The following POLA1 variants were observed in gnomAD, a reference collection of about 807,000 sequenced individuals.
The protein encoded by POLA1 is DNA polymerase alpha catalytic subunit.
POLA1 carries 15 observed loss-of-function variants against 124.0 expected under a neutral mutation model. That is an observed-to-expected ratio of 0.12 (90% confidence interval 0.08 to 0.19). The LOEUF is 0.19. Ranked by LOEUF, POLA1 falls within the 10% of genes least tolerant of loss-of-function variation. POLA1 has a pLI of 1.00. For missense variants in POLA1, 886 were observed against 1,103.4 expected, an observed-to-expected ratio of 0.80 and a Z score of 2.79; for synonymous variants, 408 against 389.4, an observed-to-expected ratio of 1.05 and a Z score of -0.56.
intron 26 of POLA1, among the ~76,000 whole-genome samples, chrX:24,784,807 G>A (rs2045333393): frequency 8.9e-6 from 1 of 112,328 alleles, no homozygotes; most frequent in African/African-American, 3.2e-5. Context: ...TAATAAAAAC[G>A]TCCCAGCTTC....
chrX:24,862,969 A>G (rs1354058178), intron 34 of POLA1, among the ~76,000 whole-genome samples: 1 of 112,079 alleles, frequency 8.9e-6, no homozygotes, highest in Non-Finnish European at 1.9e-5. Flanking sequence ...CCTTTGGGAA[A>G]ACATTCACAT....
At chrX:24,837,055 G>A (rs762157092) in intron 32 of POLA1, among the ~76,000 whole-genome samples, 1 of 111,727 alleles carries the variant, frequency 9.0e-6, no homozygotes, top group Non-Finnish European at 1.9e-5. Flanking sequence ...TTCAAATTTT[G>A]GAGGATTTCA....
At chrX:24,813,765 G>A (rs2045942170) in intron 29 of POLA1, among the ~76,000 whole-genome samples, 1 of 98,109 alleles carries the variant, frequency 1.0e-5, no homozygotes, top group African/African-American at 3.9e-5. Context: ...AGTGAGCCGA[G>A]ATTGCACCAT....
chrX:24,838,334 T>C (rs1370454919), intron 32 of POLA1, among the ~76,000 whole-genome samples: 1 of 111,450 alleles, frequency 9.0e-6, no homozygotes, highest in Non-Finnish European at 1.9e-5. Flanking sequence ...CACAAATGAG[T>C]CCATCACTAC....
At chrX:24,822,347 A>G (rs1194514563) in intron 31 of POLA1, among the ~76,000 whole-genome samples, 2 of 112,626 alleles carry the variant, frequency 1.8e-5, no homozygotes. Flanking sequence ...ACTTACCATA[A>G]GGTATAATTT....
chrX:24,872,369 C>T (rs763836775), intron 34 of POLA1, among the ~76,000 whole-genome samples: 2 of 110,941 alleles, frequency 1.8e-5, no homozygotes, highest in South Asian at 7.7e-4. Context: ...GAGGAAATAC[C>T]TAGGAATAAA....
chrX:24,985,894 A>G (rs1250079424), intron 36 of POLA1, among the ~76,000 whole-genome samples: 2 of 111,922 alleles, frequency 1.8e-5, no homozygotes, highest in East Asian at 5.6e-4. Context: ...CCTTCCAGCC[A>G]GGCGTGGTGG....
At chrX:24,723,020 G>T (rs1411700831) in intron 10 of POLA1, 135 bp from the exon 11 acceptor site, 6 of 485,910 alleles carry the variant, frequency 1.2e-5, no homozygotes, top group Non-Finnish European at 2.2e-5. Flanking sequence ...AGTGGGAAAT[G>T]GATATATTTG....
intron 2 of POLA1, among the ~76,000 whole-genome samples, chrX:24,700,794 C>A (rs1928363677): frequency 8.9e-6 from 1 of 111,980 alleles, no homozygotes; most frequent in Non-Finnish European, 1.9e-5. Context: ...CAGGCGTGAA[C>A]CACCACACTG....
At position 24,788,336 on chromosome X, in the gene POLA1, T is replaced by C. The variant is rs2045408880; in HGVS notation, c.2965-21562T>C. 16 of 1,086,305 alleles carry C rather than the reference T, an allele frequency of 1.5e-5. No homozygotes were observed. The South Asian group carries it at 2.0e-4, about 14-fold the overall frequency. The allele number at this position is 1,086,305 out of a possible 1,213,427, so 89.5% of individuals were successfully genotyped here. ...AGGATGCCCACTTTTACTACTTCTT[T>C]TTTTTTTTTTTAATCTTTCAAGCTT... On this transcript the variant is annotated intron_variant, in intron 26 of 36. Coordinates refer to ENST00000379068, the MANE Select transcript of POLA1 (RefSeq NM_001330360.2).
At chrX:24,717,887 C>A in intron 10 of POLA1, 129 bp downstream of exon 10, 1 of 447,135 alleles carries the variant, frequency 2.2e-6, no homozygotes, top group East Asian at 4.0e-5. Context: ...TTTTTTTTTT[C>A]TTTATCCTTA....
At chrX:24,946,696 C>G (rs773514100) in intron 36 of POLA1, among the ~76,000 whole-genome samples, 7 of 111,962 alleles carry the variant, frequency 6.3e-5, no homozygotes, top group Admixed American at 2.8e-4. Context: ...TTCTTAAGCA[C>G]TGTCCCTCTT....
intron 34 of POLA1, among the ~76,000 whole-genome samples, chrX:24,848,677 C>A (rs1426271164): frequency 1.8e-5 from 2 of 111,839 alleles, no homozygotes; most frequent in Non-Finnish European, 3.8e-5. Flanking sequence ...ACAAAAATAC[C>A]CATTTAGCAT....
At chrX:24,847,964 C>T (rs866059738) in intron 34 of POLA1, among the ~76,000 whole-genome samples, 6 of 111,821 alleles carry the variant, frequency 5.4e-5, no homozygotes, top group African/African-American at 1.6e-4. Flanking sequence ...CTATTTTTTA[C>T]GGCACTGACA....
At chrX:24,971,433 C>A (rs1482562157) in intron 36 of POLA1, among the ~76,000 whole-genome samples, 1 of 112,609 alleles carries the variant, frequency 8.9e-6, no homozygotes, top group South Asian at 3.7e-4. Flanking sequence ...GTTGTACTAC[C>A]CCTACCAGGG....
chrX:24,856,163 A>G (rs1780890592), intron 34 of POLA1, among the ~76,000 whole-genome samples: 1 of 111,606 alleles, frequency 9.0e-6, no homozygotes, highest in Non-Finnish European at 1.9e-5. Flanking sequence ...AACTCCCAAA[A>G]TAGTCCTATA....
chrX:24,994,795 CACCTT>C (rs1214993260), intron 36 of POLA1, among the ~76,000 whole-genome samples: 3 of 111,439 alleles, frequency 2.7e-5, no homozygotes, highest in African/African-American at 9.8e-5. Flanking sequence ...CCTCTCCAGA[CACCTT>C]ACCAGGTTCC....
chrX:24,938,134 C>T (rs1268943950), intron 36 of POLA1, among the ~76,000 whole-genome samples: 2 of 112,508 alleles, frequency 1.8e-5, no homozygotes, highest in Non-Finnish European at 3.8e-5. Context: ...AGAACTAAGG[C>T]CGGGCACAGT....
intron 4 of POLA1, among the ~76,000 whole-genome samples, chrX:24,710,279 A>T (rs976166649): frequency 9.0e-6 from 1 of 111,484 alleles, no homozygotes; most frequent in African/African-American, 3.3e-5. Flanking sequence ...TCACTCCCCA[A>T]TCTCTCTTCC....
Sources: allele counts gnomAD v4.1 joint callset (sites outside exome capture counted in the v4.1 genomes callset), GRCh38; gene constraint gnomAD v4.1.1; transcripts MANE v1.5; gene names NCBI Gene and HGNC (gene_info 2026-07-23, HGNC 2026-07-21).